Variants in SHANK2 observed in about 807,000 individuals in gnomAD.
The protein encoded by SHANK2 is SH3 and multiple ankyrin repeat domains 2, also known as SH3 and multiple ankyrin repeat domains protein 2.
Under a neutral mutation model 133.7 loss-of-function variants are expected in SHANK2, and 43 were observed. That is an observed-to-expected ratio of 0.32 (90% CI 0.25 to 0.41). The LOEUF is 0.41. Among genes scored for constraint, SHANK2 ranks in the 10% least tolerant of loss-of-function variants. The probability of loss-of-function intolerance (pLI) is 1.00; values close to 1 mark genes in which losing one functional copy is unlikely to be tolerated. For missense variants in SHANK2, 1,994 were observed against 2,235.8 expected (o/e 0.89, Z 2.18); for synonymous variants, 1,017 against 952.8 (o/e 1.07, Z -1.24).
At chr11:71,082,817 T>G (rs1233203098) in intron 8 of SHANK2, among the ~76,000 whole-genome samples, 2 of 152,016 alleles carry the variant, frequency 1.3e-5, no homozygotes, top group Non-Finnish European at 2.9e-5. Flanking sequence ...AAATAACAAA[T>G]AGCAGCCAGT....
chr11:71,101,567 C>T (rs11820449), intron 6 of SHANK2, among the ~76,000 whole-genome samples: 4,918 of 152,306 alleles, frequency 0.032, 256 homozygotes, highest in African/African-American at 0.11. Flanking sequence ...TGGAGGTTTA[C>T]GAGGTTCCAG....
chr11:71,205,250 G>A (rs781809158), intron 2 of SHANK2, among the ~76,000 whole-genome samples: 45 of 152,214 alleles, frequency 3.0e-4, no homozygotes, highest in Non-Finnish European at 1.0e-4. Flanking sequence ...TTTTCTCACA[G>A]TCACCACCCC....
intron 8 of SHANK2, among the ~76,000 whole-genome samples, chr11:71,082,191 T>C (rs1951310111): frequency 6.6e-6 from 1 of 152,246 alleles, no homozygotes; most frequent in South Asian, 2.1e-4. Context: ...TGGCTGGCAC[T>C]GTGGAGCTCC....
chr11:70,740,938 G>C (rs1292531263), intron 14 of SHANK2, among the ~76,000 whole-genome samples: 2 of 152,054 alleles, frequency 1.3e-5, no homozygotes, highest in Non-Finnish European at 2.9e-5. Context: ...TTGATCAAGG[G>C]GACAAACTAT....
chr11:70,669,718 GTC>G (rs1174233563), intron 15 of SHANK2: 2 of 152,542 alleles, frequency 1.3e-5, no homozygotes, highest in Non-Finnish European at 2.9e-5. Context: ...TGAATTCAGT[GTC>G]TCTGATATTT....
At chr11:71,232,526 C>T (rs1342005084) in intron 1 of SHANK2, among the ~76,000 whole-genome samples, 13 of 152,006 alleles carry the variant, frequency 8.6e-5, no homozygotes, top group African/African-American at 3.1e-4. Context: ...ACCCCTTCTC[C>T]TCCTCCTCCT....
chr11:71,130,053 A>G (rs1258759101), intron 3 of SHANK2, among the ~76,000 whole-genome samples: 2 of 152,104 alleles, frequency 1.3e-5, no homozygotes, highest in African/African-American at 4.8e-5. Context: ...CTCTTCTCAT[A>G]AGGACTCCAG....
intron 10 of SHANK2, among the ~76,000 whole-genome samples, chr11:70,948,976 C>T (rs1482087360): frequency 1.3e-5 from 2 of 152,142 alleles, no homozygotes; most frequent in East Asian, 3.9e-4. Flanking sequence ...TACACTACGG[C>T]TCATTCTATC....
At chr11:70,908,995 T>TA (rs1950151149) in intron 10 of SHANK2, among the ~76,000 whole-genome samples, 1 of 152,128 alleles carries the variant, frequency 6.6e-6, no homozygotes, top group Admixed American at 6.5e-5. Flanking sequence ...GTGAAATACG[T>TA]ATGGCAGTCA....
intron 17 of SHANK2, among the ~76,000 whole-genome samples, chr11:70,629,476 G>T (rs898897444): frequency 6.6e-6 from 1 of 152,190 alleles, no homozygotes; most frequent in Non-Finnish European, 1.5e-5. Context: ...AGCAGGTTCC[G>T]GCCTGGCGGG....
Position 70,882,263 on chromosome 11 carries a change from A to C in SHANK2, c.1174+14238T>G, listed in dbSNP as rs1555072576. Among the ~76,000 whole-genome samples, 1 of 152,106 alleles carries C rather than the reference A, an allele frequency of 6.6e-6. No individual in the cohort carries two copies. The highest frequency in any genetic ancestry group is 1.5e-5 in the Non-Finnish European group (1 of 68,020). On this transcript the variant is annotated intron_variant, in intron 11 of 25. Transcript: ENST00000601538. The surrounding 1 kb of genome is among the most constrained non-coding windows in gnomAD (Gnocchi z 4.2). ...ACGGGTGGCTCTGCTCGGCCCATTC[A>C]CCAAGTGTTTCCAGGCCTGGTGAGC...
chr11:71,187,173 G>C (rs1953691500), intron 2 of SHANK2, among the ~76,000 whole-genome samples: 1 of 152,198 alleles, frequency 6.6e-6, no homozygotes, highest in South Asian at 2.1e-4. Flanking sequence ...GAGACAAATG[G>C]GGTGGATTTG....
chr11:70,627,823 T>C (rs2060924626), intron 17 of SHANK2, among the ~76,000 whole-genome samples: 1 of 152,254 alleles, frequency 6.6e-6, no homozygotes, highest in South Asian at 2.1e-4. Context: ...ATTTTATACC[T>C]GTGGCATCAT....
chr11:70,619,688 C>G (rs1018836327), intron 17 of SHANK2, among the ~76,000 whole-genome samples: 2 of 152,086 alleles, frequency 1.3e-5, no homozygotes, highest in Non-Finnish European at 2.9e-5. Context: ...GCCCAGGGAC[C>G]CTTCCAGGCA....
intron 13 of SHANK2, among the ~76,000 whole-genome samples, chr11:70,805,379 C>A (rs1948136419): frequency 6.6e-6 from 1 of 152,236 alleles, no homozygotes; most frequent in Non-Finnish European, 1.5e-5. Context: ...AGTGTGCAGA[C>A]CGGTCAGAAA....
intron 10 of SHANK2, among the ~76,000 whole-genome samples, chr11:70,914,616 A>G (rs559569707): frequency 6.7e-6 from 1 of 150,284 alleles, no homozygotes; most frequent in South Asian, 2.1e-4. Context: ...CCAGGAGTGT[A>G]AGACCGGCCT....
At position 70,936,240 on chromosome 11, in the gene SHANK2, G is replaced by A. The variant is rs541185920; in HGVS notation, c.1108-39673C>T. Among the ~76,000 whole-genome samples, 21 of 152,310 alleles carry A rather than the reference G, an allele frequency of 1.4e-4. No homozygotes were observed. In the East Asian group the frequency reaches 3.5e-3, roughly 25 times the overall value. ...TAAAGCAACAGGCGAGGCCAGGCGC[G>A]GTGGCTCACGCCTGTAATCCCAGCA... is the stretch of plus-strand genomic sequence containing the variant. On this transcript the variant is annotated intron_variant, in intron 10 of 25. Coordinates refer to ENST00000601538, the MANE Select transcript of SHANK2 (RefSeq NM_012309.5).
At chr11:70,635,969 C>T (rs981484277) in intron 17 of SHANK2, among the ~76,000 whole-genome samples, 2 of 152,248 alleles carry the variant, frequency 1.3e-5, no homozygotes, top group Non-Finnish European at 2.9e-5. Context: ...CCACCCCTCC[C>T]GAATGTTCCA....
intron 15 of SHANK2, among the ~76,000 whole-genome samples, chr11:70,663,508 C>T (rs993516210): frequency 6.6e-6 from 1 of 152,178 alleles, no homozygotes; most frequent in Non-Finnish European, 1.5e-5. Flanking sequence ...CACCCACCCC[C>T]GACAGCATCA....
Sources: gnomAD v4.1 joint callset for allele counts (sites outside exome capture counted in the v4.1 genomes callset) on GRCh38, gnomAD v4.1.1 for gene constraint, Gnocchi (gnomAD v3.1) non-coding constraint, MANE v1.5 for transcripts, NCBI Gene and HGNC (gene_info 2026-07-23, HGNC 2026-07-21) for gene names.